TG: variants seen among roughly 807,000 people sequenced by gnomAD.
The protein encoded by TG is thyroglobulin.
TG carries 270 observed loss-of-function variants against 324.7 expected under a neutral mutation model. That is an observed-to-expected ratio of 0.83 (90% CI 0.75 to 0.92). The LOEUF (loss-of-function observed/expected upper bound fraction) is 0.92, where lower values mean the gene tolerates loss of function less well. TG is among the 40% of genes least tolerant of loss of function. The pLI is 0.00. For synonymous variants in TG, 1,401 were observed against 1,327.0 expected (o/e 1.06, Z -1.21); for missense variants, 3,591 against 3,456.4 (o/e 1.04, Z -0.98).
At chr8:132,929,286 C>CTA in intron 23 of TG, 94 bp downstream of exon 23, 1 of 944,000 alleles carries the variant, frequency 1.1e-6, no homozygotes, top group South Asian at 1.4e-5. Context: ...ACCATTAAAA[C>CTA]TATAATTTAA....
chr8:132,936,061 CT>C (rs1362385413), intron 25 of TG, among the ~76,000 whole-genome samples, 197 bp downstream of exon 25: 1 of 152,230 alleles, frequency 6.6e-6, no homozygotes, highest in African/African-American at 2.4e-5. Context: ...CTGATCTCCC[CT>C]GGGACTGCAA....
intron 8 of TG, among the ~76,000 whole-genome samples, chr8:132,884,322 C>T (rs1815088149): frequency 6.6e-6 from 1 of 152,182 alleles, no homozygotes; most frequent in African/African-American, 2.4e-5. Flanking sequence ...AGCCAGACCC[C>T]ATTTTCTCCT....
intron 45 of TG, 72 bp from the exon 46 acceptor site, chr8:133,131,740 T>A: frequency 1.9e-6 from 3 of 1,593,646 alleles, no homozygotes; most frequent in Non-Finnish European, 2.6e-6. Flanking sequence ...ATATTTTTGT[T>A]TGTGTGTTTG....
intron 27 of TG, 84 bp downstream of exon 27, chr8:132,949,027 C>A: frequency 7.5e-7 from 1 of 1,324,788 alleles, no homozygotes; most frequent in Non-Finnish European, 1.1e-6. Flanking sequence ...ATGAGCCCTC[C>A]TTGTGGCCTG....
chr8:133,049,611 C>A (rs530880495), intron 41 of TG: 1 of 411,534 alleles, frequency 2.4e-6, no homozygotes, highest in African/African-American at 2.0e-5. Context: ...TGTGCTGTGC[C>A]CTCCCATAAC....
At chr8:133,014,656 A>G (rs949843824) in intron 37 of TG, among the ~76,000 whole-genome samples, 3 of 152,200 alleles carry the variant, frequency 2.0e-5, no homozygotes, top group African/African-American at 2.4e-5. Context: ...TACAAAACCA[A>G]GTAGCAGCAG....
chr8:133,011,794 G>A, intron 35 of TG, 107 bp from the exon 36 acceptor site: 1 of 1,401,242 alleles, frequency 7.1e-7, no homozygotes, highest in Non-Finnish European at 1.0e-6. Context: ...GAGACCAAGA[G>A]GAGGATGCCC....
At chr8:132,959,540 A>G (rs1827452752) in intron 27 of TG, among the ~76,000 whole-genome samples, 1 of 152,216 alleles carries the variant, frequency 6.6e-6, no homozygotes, top group African/African-American at 2.4e-5. Context: ...AAGTATATAG[A>G]GCGTCTAGGC....
At position 132,919,292 on chromosome 8, in the gene TG, A is replaced by T. The variant is rs180711314; in HGVS notation, c.4379-84A>T. On this transcript the variant is annotated intron_variant, in intron 20 of 47. Transcript: ENST00000220616. ...AATGAGCTCTTGAACTGGTTTGAGG[A>T]TTTTCTTTACCCTGTGTGTTCTGGG... 1,898 of 1,450,918 alleles carry T rather than the reference A, an allele frequency of 1.3e-3. 10 individuals carry two copies. The highest frequency in any genetic ancestry group is 0.011 in the Middle Eastern group (47 of 4,450). The allele number at this position is 1,450,918 out of a possible 1,614,324, so 89.9% of individuals were successfully genotyped here.
At chr8:132,901,214 G>A in intron 15 of TG, 139 bp from the exon 16 acceptor site, 1 of 909,760 alleles carries the variant, frequency 1.1e-6, no homozygotes, top group Non-Finnish European at 1.8e-6. Context: ...CCTCCTGGTG[G>A]GGAGGCAGCC....
At chr8:132,986,645 TATTATTATTCATC>T (rs1433019577) in intron 35 of TG, among the ~76,000 whole-genome samples, 1 of 152,164 alleles carries the variant, frequency 6.6e-6, no homozygotes, top group East Asian at 1.9e-4. Context: ...TTTGATTGTT[TATTATTATTCATC>T]ATTATAAAAA....
chr8:132,891,670 G>A (rs1816258415), intron 10 of TG, among the ~76,000 whole-genome samples: 1 of 152,206 alleles, frequency 6.6e-6, no homozygotes, highest in South Asian at 2.1e-4. Context: ...GTGCCCAGTT[G>A]TAGATTTTCA....
intron 25 of TG, 48 bp from the exon 26 acceptor site, chr8:132,941,303 C>G (rs975495133): frequency 2.5e-6 from 4 of 1,609,894 alleles, no homozygotes; most frequent in African/African-American, 1.3e-5. Context: ...CTGTCCAACT[C>G]TGCCATGTTT....
chr8:133,082,335 G>C (rs1845877721), intron 41 of TG, among the ~76,000 whole-genome samples: 1 of 152,194 alleles, frequency 6.6e-6, no homozygotes. Flanking sequence ...ACTAGCAAAG[G>C]TCCACTGGAA....
intron 47 of TG, among the ~76,000 whole-genome samples, chr8:133,134,445 C>T (rs1311600567): frequency 2.0e-5 from 3 of 152,172 alleles, no homozygotes; most frequent in Non-Finnish European, 4.4e-5. Flanking sequence ...TTTTAGCTTC[C>T]AAGGCTGAGT....
chr8:132,933,501 G>A, intron 23 of TG, 60 bp from the exon 24 acceptor site: 1 of 1,401,208 alleles, frequency 7.1e-7, no homozygotes, highest in Non-Finnish European at 1.0e-6. Context: ...GGATGTGTCT[G>A]CTCTGCCCTC....
At chr8:133,005,877 C>G (rs1833977286) in intron 35 of TG, among the ~76,000 whole-genome samples, 1 of 152,176 alleles carries the variant, frequency 6.6e-6, no homozygotes, top group Non-Finnish European at 1.5e-5. Flanking sequence ...GGCATCCCTT[C>G]TTACCAGGCA....
At chr8:132,931,938 A>G (rs1297692249) in intron 23 of TG, among the ~76,000 whole-genome samples, 1 of 151,966 alleles carries the variant, frequency 6.6e-6, no homozygotes, top group Non-Finnish European at 1.5e-5. Flanking sequence ...TAATAATAAT[A>G]CAAAAATTAG....
At chr8:133,000,091 C>T (rs562461394) in intron 35 of TG, among the ~76,000 whole-genome samples, 1 of 152,330 alleles carries the variant, frequency 6.6e-6, no homozygotes, top group Admixed American at 6.5e-5. Flanking sequence ...TTCAACAATG[C>T]AGACAGTGGT....
Sources: allele counts gnomAD v4.1 joint callset (sites outside exome capture counted in the v4.1 genomes callset), GRCh38; gene constraint gnomAD v4.1.1; transcripts MANE v1.5; gene names NCBI Gene and HGNC (gene_info 2026-07-23, HGNC 2026-07-21).